FOXN3: variants seen among roughly 807,000 people sequenced by gnomAD.
FOXN3 encodes the protein forkhead box N3, also known as forkhead box protein N3.
A neutral mutation model predicts 38.4 loss-of-function variants in FOXN3; 7 were observed. The observed-to-expected ratio is 0.18, with a 90% CI of 0.10 to 0.34. FOXN3 has a LOEUF of 0.34. FOXN3 is among the 10% of genes least tolerant of loss of function. FOXN3 has a pLI of 1.00. For synonymous variants in FOXN3, 230 were observed against 242.2 expected (o/e 0.95, Z 0.47); for missense variants, 456 against 613.4 (o/e 0.74, Z 2.71).
At chr14:89,600,324 T>C (rs924574438) in intron 1 of FOXN3, among the ~76,000 whole-genome samples, 2 of 152,180 alleles carry the variant, frequency 1.3e-5, no homozygotes, top group African/African-American at 2.4e-5. Flanking sequence ...TAATAATGCA[T>C]GGAGTGAATG....
intron 2 of FOXN3, among the ~76,000 whole-genome samples, chr14:89,372,202 GA>G (rs998785252): frequency 1.3e-5 from 2 of 149,998 alleles, no homozygotes; most frequent in Admixed American, 6.6e-5. Context: ...AATCAGGCAG[GA>G]AAAAAAAATA....
intron 2 of FOXN3, among the ~76,000 whole-genome samples, chr14:89,360,792 A>ACCACCT: frequency 1.9e-5 from 2 of 104,992 alleles, no homozygotes; most frequent in Non-Finnish European, 3.7e-5. Flanking sequence ...CACCTCCACC[A>ACCACCT]CCACCACCTC....
rs968052682 is a variant in FOXN3 at position 89,463,078 on chromosome 14, C to G, written c.-14-50588G>C. Among the ~76,000 whole-genome samples, 40 of 150,926 alleles carry G rather than the reference C, an allele frequency of 2.7e-4. 1 individual carries two copies. The East Asian group carries it at 3.2e-3, about 12-fold the overall frequency. ...GGCCAAGGAGGGCGGATCACGAGGTCAGGAGATTGAGAAGATCTGGCTAAC... is the reference window on the plus strand; with the variant it reads ...GGCCAAGGAGGGCGGATCACGAGGTGAGGAGATTGAGAAGATCTGGCTAAC... On this transcript the variant is annotated intron_variant, in intron 1 of 6. Coordinates refer to the FOXN3 transcript ENST00000345097.
intron 4 of FOXN3, among the ~76,000 whole-genome samples, chr14:89,245,103 C>T (rs938942275): frequency 6.6e-6 from 1 of 152,156 alleles, no homozygotes; most frequent in Non-Finnish European, 1.5e-5. Context: ...AGCTTCAAAT[C>T]ACAAAGCTAG....
intron 1 of FOXN3, among the ~76,000 whole-genome samples, chr14:89,587,776 A>C (rs566143017): frequency 2.2e-4 from 33 of 151,744 alleles, no homozygotes; most frequent in Non-Finnish European, 4.6e-4. Context: ...TGAGGCAGGA[A>C]AACTGCTTGA....
intron 5 of FOXN3, among the ~76,000 whole-genome samples, chr14:89,171,447 A>G (rs1308685215): frequency 6.6e-6 from 1 of 152,180 alleles, no homozygotes; most frequent in Non-Finnish European, 1.5e-5. Context: ...TCTTGACACT[A>G]AACTAGATAA....
intron 4 of FOXN3, chr14:89,264,143 T>A (rs1034842206): frequency 6.6e-6 from 1 of 152,324 alleles, no homozygotes; most frequent in Non-Finnish European, 1.5e-5. Flanking sequence ...GGAGCCCCCC[T>A]CTTGTCCTCC....
chr14:89,362,786 C>CCACCAA (rs757161328), intron 2 of FOXN3, among the ~76,000 whole-genome samples: 1,985 of 112,066 alleles, frequency 0.018, 219 homozygotes, highest in Non-Finnish European at 0.023. Context: ...ACCACCACCA[C>CCACCAA]CACCATCTCC....
At chr14:89,288,060 CAAA>C (rs367567642) in intron 3 of FOXN3, among the ~76,000 whole-genome samples, 1 of 55,624 alleles carries the variant, frequency 1.8e-5, no homozygotes, top group African/African-American at 4.2e-5. Flanking sequence ...GACCCTGTCT[CAAA>C]AAAAAATATA....
intron 4 of FOXN3, among the ~76,000 whole-genome samples, chr14:89,231,889 G>C (rs991988743): frequency 6.6e-6 from 1 of 152,178 alleles, no homozygotes; most frequent in African/African-American, 2.4e-5. Flanking sequence ...GATTGGCTGG[G>C]AGCATGGCAG....
chr14:89,420,915 G>A (rs971202733), upstream of FOXN3, among the ~76,000 whole-genome samples: 1 of 151,266 alleles, frequency 6.6e-6, no homozygotes, highest in Non-Finnish European at 1.5e-5. Flanking sequence ...AATGGGGATG[G>A]TGGATCCAAG....
chr14:89,562,544 G>A (rs1345569100), intron 1 of FOXN3, among the ~76,000 whole-genome samples: 1 of 152,104 alleles, frequency 6.6e-6, no homozygotes, highest in Non-Finnish European at 1.5e-5. Flanking sequence ...ACGGGTGTGA[G>A]CCACCGTGCC....
intron 4 of FOXN3, among the ~76,000 whole-genome samples, chr14:89,232,962 C>A (rs1884862807): frequency 6.6e-6 from 1 of 152,168 alleles, no homozygotes. Flanking sequence ...AAGAAACAGT[C>A]ATAGTAACAA....
intron 2 of FOXN3, among the ~76,000 whole-genome samples, chr14:89,386,058 C>T (rs906956456): frequency 2.0e-5 from 3 of 152,080 alleles, no homozygotes; most frequent in African/African-American, 7.3e-5. Context: ...CTTTTGTCAA[C>T]TCAGCAAGTT....
intron 1 of FOXN3, among the ~76,000 whole-genome samples, chr14:89,609,865 A>C (rs1453401255): frequency 6.6e-6 from 1 of 152,120 alleles, no homozygotes; most frequent in African/African-American, 2.4e-5. Flanking sequence ...CCTGGGGATA[A>C]ATTAGATACA....
intron 4 of FOXN3, among the ~76,000 whole-genome samples, chr14:89,248,224 T>A (rs2065501421): frequency 2.0e-5 from 3 of 152,236 alleles, no homozygotes; most frequent in Admixed American, 2.0e-4. Flanking sequence ...GCAAAGACTT[T>A]ATCACTTAGC....
chr14:89,436,444 C>T (rs554144933), intron 1 of FOXN3, among the ~76,000 whole-genome samples: 2 of 152,264 alleles, frequency 1.3e-5, no homozygotes, highest in East Asian at 3.9e-4. Flanking sequence ...TTAGGGTGCA[C>T]ATTTGTGGTT....
At position 89,392,173 on chromosome 14, in the gene FOXN3, G is replaced by A. The variant is rs555841340; in HGVS notation, c.543+19761C>T. ...GGAGGGAGAGAAGTTCTAAGCCCAG[G>A]AGACCTGAGTTCTGGATCCAAATCT... On this transcript the variant is annotated intron_variant, in intron 2 of 5. Transcript: ENST00000557258. 1.2e-4 allele frequency among the ~76,000 whole-genome samples: 19 copies of A among 152,302 alleles called. No homozygotes were observed. In the South Asian group the frequency reaches 3.7e-3, roughly 30 times the overall value.
In FOXN3 at chr14:89,484,544, C is replaced by T. The variant is rs192027205; in HGVS notation, c.-14-72054G>A. On this transcript the variant is annotated intron_variant, in intron 1 of 6. Transcript: ENST00000345097. This position sits in a 1 kb window ranked among gnomAD's most constrained non-coding sequence, Gnocchi z 4.0. ...GTGAAAACCATTCTTAGTACATTGG[C>T]GATGCACAGACAGGCGGCAGGCAGT... Among the ~76,000 whole-genome samples, 240 of 152,310 alleles carry T rather than the reference C, an allele frequency of 1.6e-3. 1 individual carries two copies. The highest frequency in any genetic ancestry group is 5.6e-3 in the African/African-American group (232 of 41,562).
Sources: gnomAD v4.1 joint callset for allele counts (sites outside exome capture counted in the v4.1 genomes callset) on GRCh38, gnomAD v4.1.1 for gene constraint, Gnocchi (gnomAD v3.1) non-coding constraint, MANE v1.5 for transcripts, NCBI Gene and HGNC (gene_info 2026-07-23, HGNC 2026-07-21) for gene names.